Variants in RARB observed in about 807,000 individuals in gnomAD.
The protein encoded by RARB is retinoic acid receptor beta, also known as HBV-activated protein.
Under a neutral mutation model 51.9 loss-of-function variants are expected in RARB, and 17 were observed. The observed-to-expected ratio is 0.33, with a 90% CI of 0.22 to 0.49. The LOEUF is 0.49. Among genes scored for constraint, RARB ranks in the 20% least tolerant of loss-of-function variants. The pLI is 0.99. For synonymous variants in RARB, 215 were observed against 195.4 expected (o/e 1.10, Z -0.84); for missense variants, 369 against 550.8 (o/e 0.67, Z 3.30).
chr3:25,139,905 C>T (rs955402083), intron 4 of RARB, among the ~76,000 whole-genome samples: 2 of 152,108 alleles, frequency 1.3e-5, no homozygotes, highest in Non-Finnish European at 2.9e-5. Flanking sequence ...CTTTACTGTA[C>T]CTGTGCTCTA....
intron 4 of RARB, among the ~76,000 whole-genome samples, chr3:25,164,040 G>A (rs1315020424): frequency 2.0e-5 from 3 of 152,146 alleles, no homozygotes; most frequent in Non-Finnish European, 4.4e-5. Context: ...AGACAGAGGT[G>A]TAGGTCAGGG....
chr3:25,101,962 G>C (rs1419100126), intron 3 of RARB, among the ~76,000 whole-genome samples: 1 of 152,136 alleles, frequency 6.6e-6, no homozygotes, highest in East Asian at 1.9e-4. Flanking sequence ...AACACTCGGA[G>C]GACATGAAGT....
chr3:25,509,289 TG>T (rs1697767899), intron 3 of RARB, among the ~76,000 whole-genome samples: 1 of 152,208 alleles, frequency 6.6e-6, no homozygotes, highest in Non-Finnish European at 1.5e-5. Flanking sequence ...ATTGGACTCA[TG>T]GGGTAATGCA....
upstream of RARB, among the ~76,000 whole-genome samples, chr3:25,426,115 G>A (rs1189046106): frequency 6.6e-6 from 1 of 152,158 alleles, no homozygotes; most frequent in African/African-American, 2.4e-5. Context: ...AAGCCTCATG[G>A]ACCAAGTAGA....
intron 4 of RARB, among the ~76,000 whole-genome samples, chr3:25,145,282 G>A (rs1700168585): frequency 1.3e-5 from 2 of 152,160 alleles, no homozygotes; most frequent in African/African-American, 4.8e-5. Flanking sequence ...CCACGGCAAT[G>A]GTGGTTCCAG....
chr3:25,544,762 G>A (rs965852328), intron 3 of RARB, among the ~76,000 whole-genome samples: 9 of 152,172 alleles, frequency 5.9e-5, no homozygotes, highest in Admixed American at 1.3e-4. Flanking sequence ...CACTTTCAAC[G>A]GACTTTCTTT....
At chr3:25,440,771 C>T (rs891262622) in intron 1 of RARB, among the ~76,000 whole-genome samples, 2 of 151,552 alleles carry the variant, frequency 1.3e-5, no homozygotes, top group African/African-American at 4.8e-5. Flanking sequence ...AGACACCGTC[C>T]CCCCCAAAAA....
At chr3:25,451,937 C>T (rs1334946449) in intron 1 of RARB, among the ~76,000 whole-genome samples, 6 of 151,964 alleles carry the variant, frequency 3.9e-5, no homozygotes, top group East Asian at 3.9e-4. Context: ...ATGGGAATCC[C>T]GATAGAAGAT....
chr3:25,573,004 T>C (rs1700768235), intron 4 of RARB, among the ~76,000 whole-genome samples: 3 of 152,104 alleles, frequency 2.0e-5, no homozygotes, highest in Admixed American at 6.5e-5. Flanking sequence ...ATGTGAGGCA[T>C]TGCCACTCCT....
intron 5 of RARB, among the ~76,000 whole-genome samples, chr3:25,295,363 T>A (rs1703891805): frequency 6.6e-6 from 1 of 152,286 alleles, no homozygotes; most frequent in African/African-American, 2.4e-5. Context: ...GACCCCTTTG[T>A]CCTTCCACTA....
At chr3:25,308,552 G>A (rs981742185) in intron 5 of RARB, among the ~76,000 whole-genome samples, 1 of 150,828 alleles carries the variant, frequency 6.6e-6, no homozygotes, top group Non-Finnish European at 1.5e-5. Context: ...AGGTTCAAGC[G>A]ATTCTCGTGC....
At chr3:25,166,054 C>T (rs1418161689) in intron 4 of RARB, among the ~76,000 whole-genome samples, 1 of 151,792 alleles carries the variant, frequency 6.6e-6, no homozygotes, top group Non-Finnish European at 1.5e-5. Flanking sequence ...TAGATTTCAT[C>T]CTCCCTCACT....
Position 25,318,661 on chromosome 3 carries a change from G to A in RARB, c.179-142532G>A, listed in dbSNP as rs1704487789. On this transcript the variant is annotated intron_variant, in intron 5 of 11. Coordinates refer to the RARB transcript ENST00000383772. Reference sequence around the variant, plus strand: ...TCTGCTCAAGTCCTTATTAAAGAAGGAAATCTTTAGGAGCAAATGTAGAAT... The same window carrying A: ...TCTGCTCAAGTCCTTATTAAAGAAGAAAATCTTTAGGAGCAAATGTAGAAT... Among the ~76,000 whole-genome samples, 4 of 152,232 alleles carry A rather than the reference G, an allele frequency of 2.6e-5. No individual in the cohort carries two copies. In the South Asian group the frequency reaches 8.3e-4, roughly 32 times the overall value.
chr3:25,047,509 G>T (rs1327430951), intron 2 of RARB, among the ~76,000 whole-genome samples: 2 of 152,146 alleles, frequency 1.3e-5, no homozygotes, highest in Non-Finnish European at 2.9e-5. Context: ...TACTATATTG[G>T]ATGTCATAGC....
chr3:24,898,778 GT>G (rs1235728037), intron 2 of RARB, among the ~76,000 whole-genome samples: 4 of 152,138 alleles, frequency 2.6e-5, no homozygotes, highest in Non-Finnish European at 4.4e-5. Flanking sequence ...TTGCTCTAAT[GT>G]TTTTAGCATT....
intron 2 of RARB, chr3:25,020,227 C>T (rs1053036255): frequency 6.6e-6 from 1 of 151,492 alleles, no homozygotes; most frequent in African/African-American, 2.4e-5. Flanking sequence ...AGGCATGATC[C>T]CACTGCTGAT....
At chr3:25,233,361 A>AT (rs1036247890) in intron 5 of RARB, among the ~76,000 whole-genome samples, 31 of 151,586 alleles carry the variant, frequency 2.0e-4, no homozygotes, top group African/African-American at 2.9e-4. Context: ...AAAACAAGTG[A>AT]TTTTTTTTTA....
At chr3:25,145,045 G>A (rs888059809) in intron 4 of RARB, among the ~76,000 whole-genome samples, 7 of 152,148 alleles carry the variant, frequency 4.6e-5, no homozygotes, top group South Asian at 2.1e-4. Flanking sequence ...GGGCTCTATC[G>A]TCAGTGGCAG....
At chr3:25,360,989 G>T (rs1705915831) in intron 5 of RARB, among the ~76,000 whole-genome samples, 2 of 152,094 alleles carry the variant, frequency 1.3e-5, no homozygotes, top group South Asian at 4.1e-4. Flanking sequence ...TGTCTTAGTG[G>T]TGTTCTCTGT....
Sources: allele counts gnomAD v4.1 joint callset (sites outside exome capture counted in the v4.1 genomes callset), GRCh38; gene constraint gnomAD v4.1.1; transcripts MANE v1.5; gene names NCBI Gene and HGNC (gene_info 2026-07-23, HGNC 2026-07-21).